The following TMED10 variants were observed in gnomAD, a reference collection of about 807,000 sequenced individuals.
TMED10 encodes the protein transmembrane p24 trafficking protein 10, also known as transmembrane emp24 domain-containing protein 10.
TMED10 carries 7 observed loss-of-function variants against 23.1 expected under a neutral mutation model. The observed-to-expected ratio is 0.30, with a 90% CI of 0.17 to 0.57. The LOEUF is 0.57. Among genes scored for constraint, TMED10 ranks in the 20% least tolerant of loss-of-function variants. The probability of loss-of-function intolerance (pLI) is 0.91; values close to 1 mark genes in which losing one functional copy is unlikely to be tolerated. For synonymous variants in TMED10, 113 were observed against 106.9 expected (o/e 1.06, Z -0.35); for missense variants, 162 against 274.8 (o/e 0.59, Z 2.90).
Position 75,170,084 on chromosome 14 carries a change from G to A in TMED10, c.225+6271C>T, listed in dbSNP as rs146435031. Reference sequence around the variant, plus strand: ...ATACAAAAAATACAAAAAATTAGCCGGGCGTGGTGGCGGGCGCCTGTAGTC... The same window carrying A: ...ATACAAAAAATACAAAAAATTAGCCAGGCGTGGTGGCGGGCGCCTGTAGTC... On this transcript the variant is annotated intron_variant, in intron 1 of 4. Transcript: ENST00000303575. Among the ~76,000 whole-genome samples the A allele has an allele frequency of 8.5e-5, 13 of 152,078 alleles. No homozygotes were observed. In the East Asian group the frequency reaches 9.7e-4, roughly 11 times the overall value.
At chr14:75,155,108 A>AC (rs1256967664) in intron 1 of TMED10, among the ~76,000 whole-genome samples, 1 of 151,156 alleles carries the variant, frequency 6.6e-6, no homozygotes, top group Non-Finnish European at 1.5e-5. Flanking sequence ...ACAGGCATGC[A>AC]CCCCCAAGCC....
chr14:75,138,818 T>TA (rs1895785484), intron 3 of TMED10, among the ~76,000 whole-genome samples: 1 of 98,134 alleles, frequency 1.0e-5, no homozygotes, highest in African/African-American at 3.3e-5. Flanking sequence ...GCTTCTTTTT[T>TA]TTTTTTTTTT....
At chr14:75,148,910 T>C (rs1428946465) in intron 2 of TMED10, among the ~76,000 whole-genome samples, 1 of 152,204 alleles carries the variant, frequency 6.6e-6, no homozygotes, top group Non-Finnish European at 1.5e-5. Flanking sequence ...TTTTATTTAT[T>C]TAATTAAAAA....
intron 3 of TMED10, chr14:75,139,032 T>G (rs1487590159): frequency 2.8e-6 from 1 of 359,650 alleles, no homozygotes; most frequent in African/African-American, 2.2e-5. Flanking sequence ...GCTAAAAATT[T>G]AAACTATCCA....
intron 1 of TMED10, among the ~76,000 whole-genome samples, chr14:75,169,645 C>T (rs1896206670): frequency 1.3e-5 from 2 of 151,870 alleles, no homozygotes; most frequent in Admixed American, 1.3e-4. Context: ...GCAAAAAGAG[C>T]GCAACTCCAT....
At chr14:75,164,569 ATATATATATTTTTTTT>A in intron 1 of TMED10, among the ~76,000 whole-genome samples, 1 of 1,998 alleles carries the variant, frequency 5.0e-4, no homozygotes, top group South Asian at 0.033. Context: ...ATATATATAT[ATATATATATTTTTTTT>A]TTTTTTTTTG....
intron 1 of TMED10, among the ~76,000 whole-genome samples, chr14:75,172,314 T>C (rs1203420030): frequency 2.6e-5 from 4 of 151,380 alleles, no homozygotes. Flanking sequence ...CATTGTTCTT[T>C]TTTTTTTTTT....
intron 3 of TMED10, among the ~76,000 whole-genome samples, chr14:75,140,416 G>GA (rs914079615): frequency 3.3e-4 from 49 of 150,672 alleles, no homozygotes; most frequent in Non-Finnish European, 5.3e-4. Context: ...TTTTACAAAA[G>GA]AAAAAAATTA....
intron 1 of TMED10, among the ~76,000 whole-genome samples, chr14:75,171,849 G>C (rs1241222249): frequency 6.7e-6 from 1 of 149,186 alleles, no homozygotes; most frequent in Non-Finnish European, 1.5e-5. Flanking sequence ...CTTAGCAGCA[G>C]CAATAAGGGG....
At chr14:75,140,588 G>GTCCC (rs1443953014) in intron 3 of TMED10, among the ~76,000 whole-genome samples, 1 of 152,026 alleles carries the variant, frequency 6.6e-6, no homozygotes, top group Admixed American at 6.5e-5. Flanking sequence ...CATGCCTGTA[G>GTCCC]TCCCAGCTAC....
intron 2 of TMED10, among the ~76,000 whole-genome samples, chr14:75,150,519 G>A (rs924402814): frequency 6.6e-6 from 1 of 152,130 alleles, no homozygotes; most frequent in Non-Finnish European, 1.5e-5. Flanking sequence ...ATATGAAGGT[G>A]GTCCCATAAG....
At chr14:75,160,009 T>A (rs1351440569) in intron 1 of TMED10, among the ~76,000 whole-genome samples, 5 of 152,274 alleles carry the variant, frequency 3.3e-5, no homozygotes, top group Admixed American at 3.3e-4. Context: ...ATGCTGGAAG[T>A]TCGCCCAAGG....
At chr14:75,170,022 T>C (rs143979632) in intron 1 of TMED10, among the ~76,000 whole-genome samples, 1 of 150,726 alleles carries the variant, frequency 6.6e-6, no homozygotes, top group South Asian at 2.1e-4. Context: ...GGTCAGGGGA[T>C]TGAGACCATC....
At chr14:75,152,454 A>C (rs900397675) in intron 1 of TMED10, among the ~76,000 whole-genome samples, 3 of 152,212 alleles carry the variant, frequency 2.0e-5, no homozygotes, top group African/African-American at 7.2e-5. Context: ...ATTGGCAAAA[A>C]CTCACTAGTA....
intron 3 of TMED10, 154 bp downstream of exon 3, chr14:75,147,510 C>T: frequency 4.7e-6 from 4 of 850,188 alleles, no homozygotes; most frequent in Non-Finnish European, 7.8e-6. Context: ...GTTAATACCA[C>T]TTTTTGTATC....
chr14:75,147,999 A>C lies in TMED10; in HGVS notation c.338-262T>G, dbSNP rs1895909694. 5 of 539,862 alleles carry C rather than the reference A, an allele frequency of 9.3e-6. No homozygotes were observed. The South Asian group carries it at 1.0e-4, about 11-fold the overall frequency. The allele number at this position is 539,862 out of a possible 1,614,324, so 33.4% of individuals were successfully genotyped here. Reference sequence around the variant, plus strand: ...CAAACATCTCTGAGCAGGCAAGGACACAAGATACTGCAACTGGTACTACAG... The same window carrying C: ...CAAACATCTCTGAGCAGGCAAGGACCCAAGATACTGCAACTGGTACTACAG... On this transcript the variant is annotated intron_variant, in intron 2 of 4. Transcript: ENST00000303575.
intron 1 of TMED10, among the ~76,000 whole-genome samples, chr14:75,165,577 ACT>A (rs1344609680): frequency 6.6e-6 from 1 of 152,136 alleles, no homozygotes; most frequent in Non-Finnish European, 1.5e-5. Flanking sequence ...AAAAACATAA[ACT>A]CTGACGGCTT....
intron 1 of TMED10, among the ~76,000 whole-genome samples, chr14:75,154,443 TG>T (rs1327820746): frequency 3.4e-5 from 4 of 118,158 alleles, no homozygotes; most frequent in Non-Finnish European, 7.0e-5. Flanking sequence ...CATGTATCAC[TG>T]GATCACTTAT....
chr14:75,176,243 G>C, intron 1 of TMED10, 112 bp downstream of exon 1: 1 of 1,345,022 alleles, frequency 7.4e-7, no homozygotes. Context: ...TGCGCTCCCG[G>C]GAGGCCAGAA....
Sources: gnomAD v4.1 joint callset for allele counts (sites outside exome capture counted in the v4.1 genomes callset) on GRCh38, gnomAD v4.1.1 for gene constraint, MANE v1.5 for transcripts, NCBI Gene and HGNC (gene_info 2026-07-23, HGNC 2026-07-21) for gene names.